The following ASH1L variants were observed in gnomAD, a reference collection of about 807,000 sequenced individuals.
The protein encoded by ASH1L is ASH1 like histone lysine methyltransferase.
A neutral mutation model predicts 269.0 loss-of-function variants in ASH1L; 23 were observed. That is an observed-to-expected ratio of 0.09 (90% CI 0.06 to 0.12). The LOEUF (loss-of-function observed/expected upper bound fraction) is 0.12, where lower values mean the gene tolerates loss of function less well. Among genes scored for constraint, ASH1L ranks in the 10% least tolerant of loss-of-function variants. The pLI, the probability that ASH1L is intolerant of heterozygous loss-of-function variation, is 1.00. For missense variants in ASH1L, 2,912 were observed against 3,567.8 expected, an observed-to-expected ratio of 0.82 and a Z score of 4.68; for synonymous variants, 1,187 against 1,253.5, an observed-to-expected ratio of 0.95 and a Z score of 1.12.
intron 1 of ASH1L, among the ~76,000 whole-genome samples, chr1:155,522,433 T>C (rs540406475): frequency 4.6e-5 from 7 of 152,314 alleles, no homozygotes; most frequent in Middle Eastern, 3.4e-3. Flanking sequence ...TAAGCAAATA[T>C]TTATACAAAT....
chr1:155,376,058 G>T (rs1486009053), intron 10 of ASH1L, among the ~76,000 whole-genome samples: 1 of 149,492 alleles, frequency 6.7e-6, no homozygotes, highest in Non-Finnish European at 1.5e-5. Context: ...GAGCTGTGAT[G>T]GCGACACTGC....
chr1:155,544,523 G>A (rs1670660784), intron 1 of ASH1L, among the ~76,000 whole-genome samples: 1 of 151,778 alleles, frequency 6.6e-6, no homozygotes, highest in African/African-American at 2.4e-5. Context: ...TCCTGCCCTC[G>A]TGATCTGCCC....
intron 5 of ASH1L, chr1:155,433,125 T>C (rs754357313): frequency 2.8e-6 from 4 of 1,406,032 alleles, no homozygotes; most frequent in Non-Finnish European, 2.9e-6. Flanking sequence ...TAGAAAGGAA[T>C]ATAAAAATAT....
chr1:155,431,143 G>A (rs1366616571), intron 5 of ASH1L, among the ~76,000 whole-genome samples: 1 of 151,962 alleles, frequency 6.6e-6, no homozygotes, highest in African/African-American at 2.4e-5. Context: ...CCCAAGAGGT[G>A]GAGGTTGCAG....
At chr1:155,508,243 A>G (rs1455844879) in intron 2 of ASH1L, among the ~76,000 whole-genome samples, 1 of 152,238 alleles carries the variant, frequency 6.6e-6, no homozygotes, top group Admixed American at 6.5e-5. Flanking sequence ...CAGACACCAC[A>G]TGTAACTGCA....
chr1:155,482,319 T>C lies in ASH1L; in HGVS notation c.551A>G (p.Glu184Gly). Residue 184 changes from glutamate to glycine, a missense_variant, in exon 3 of 28, where the codon GAA becomes GGA. Physicochemically the swap from Glu to Gly is moderately conservative, Grantham distance 98. This residue lies in a region of ASH1L where 277 missense variants were observed against 367.7 expected (regional missense o/e 0.75). Transcript: ENST00000392403. ...CGTTGCATTAATATAATCTGCCATT[T>C]CTGAGTGTACTGGAGACAGCTTCTT... ...LSKKLSPVHS[E>G]MADYINATPS... 1 of 1,614,162 alleles carries C rather than the reference T, an allele frequency of 6.2e-7. No homozygotes were observed. Among genetic ancestry groups the C allele is most frequent in the Non-Finnish European group, 8.5e-7 (1 of 1,180,004 alleles).
At chr1:155,548,001 A>T (rs1670946456) in intron 1 of ASH1L, among the ~76,000 whole-genome samples, 1 of 152,086 alleles carries the variant, frequency 6.6e-6, no homozygotes, top group Admixed American at 6.5e-5. Flanking sequence ...AAGGAATGAG[A>T]TCATGTCCTT....
intron 1 of ASH1L, among the ~76,000 whole-genome samples, chr1:155,543,809 G>A (rs996493312): frequency 2.0e-5 from 3 of 151,862 alleles, no homozygotes; most frequent in Non-Finnish European, 2.9e-5. Flanking sequence ...ATATGCACCT[G>A]TAGTCCCAGC....
intron 7 of ASH1L, among the ~76,000 whole-genome samples, chr1:155,394,178 G>A (rs750742430): frequency 1.5e-4 from 23 of 152,088 alleles, no homozygotes; most frequent in South Asian, 1.0e-3. Flanking sequence ...AGCTTTTCAG[G>A]CAATGGGAAT....
chr1:155,402,816 A>T (rs935941127), intron 6 of ASH1L, among the ~76,000 whole-genome samples: 1 of 151,082 alleles, frequency 6.6e-6, no homozygotes, highest in African/African-American at 2.4e-5. Context: ...GGCCTCCCGA[A>T]GTACTGGGAT....
At chr1:155,435,352 C>T (rs1338025559) in intron 5 of ASH1L, among the ~76,000 whole-genome samples, 1 of 152,036 alleles carries the variant, frequency 6.6e-6, no homozygotes, top group Non-Finnish European at 1.5e-5. Flanking sequence ...AGTGTAATTA[C>T]ATAAATTATG....
Position 155,562,767 on chromosome 1 carries a change from C to A in ASH1L, c.-714G>T. 1.1e-6 allele frequency: 1 copy of A among 940,280 alleles called. No homozygotes were observed. Among genetic ancestry groups the A allele is most frequent in the Non-Finnish European group, 1.6e-6 (1 of 614,956 alleles). 58.2% of individuals were successfully genotyped at this position (940,280 alleles called of 1,614,324 possible). A position where few individuals can be genotyped will look rare whatever the true frequency, so the allele number is the denominator to read the frequency against. ...CTGTCAAGCCGGCGCCGGCGCAGGC[C>A]CTCACGCGTACCTTCAACGGCGCAA... On this transcript the variant is annotated 5_prime_UTR_variant, in exon 1 of 28. Coordinates refer to ENST00000392403, the MANE Select transcript of ASH1L (RefSeq NM_018489.3).
chr1:155,348,911 T>TACACACACAC (rs59676231), intron 19 of ASH1L, among the ~76,000 whole-genome samples: 3 of 140,432 alleles, frequency 2.1e-5, no homozygotes, highest in South Asian at 4.5e-4. Flanking sequence ...TATATATATA[T>TACACACACAC]ACACACACAC....
intron 14 of ASH1L, 45 bp from the exon 15 acceptor site, chr1:155,357,455 T>C (rs780188101): frequency 1.3e-6 from 2 of 1,593,284 alleles, no homozygotes; most frequent in Admixed American, 1.7e-5. Context: ...AAAATATCAG[T>C]CAGAAATAAT....
chr1:155,389,040 C>G (rs1359548180), intron 7 of ASH1L, among the ~76,000 whole-genome samples: 2 of 148,282 alleles, frequency 1.3e-5, no homozygotes, highest in Non-Finnish European at 3.0e-5. Flanking sequence ...GAGTCTTGCT[C>G]TGTCACGCAG....
chr1:155,535,896 G>C (rs1052272316), intron 1 of ASH1L, among the ~76,000 whole-genome samples: 1 of 151,896 alleles, frequency 6.6e-6, no homozygotes, highest in Non-Finnish European at 1.5e-5. Context: ...TACTCAGGAC[G>C]CTGAGGCAGG....
At chr1:155,426,628 T>C (rs1661180727) in intron 5 of ASH1L, among the ~76,000 whole-genome samples, 1 of 152,214 alleles carries the variant, frequency 6.6e-6, no homozygotes, top group Admixed American at 6.5e-5. Flanking sequence ...TATAATAGAT[T>C]TGTGTATATC....
At chr1:155,394,847 C>T (rs1046617930) in intron 7 of ASH1L, among the ~76,000 whole-genome samples, 4 of 152,162 alleles carry the variant, frequency 2.6e-5, no homozygotes, top group South Asian at 2.1e-4. Flanking sequence ...TATTTTTGAA[C>T]GTGGAAAATA....
intron 20 of ASH1L, among the ~76,000 whole-genome samples, chr1:155,346,739 G>A (rs1653369139): frequency 1.3e-5 from 2 of 152,164 alleles, no homozygotes; most frequent in Non-Finnish European, 2.9e-5. Flanking sequence ...AAAACAAATA[G>A]ACTACTGAAC....
Sources: gnomAD v4.1 joint callset for allele counts (sites outside exome capture counted in the v4.1 genomes callset) on GRCh38, gnomAD v4.1.1 for gene constraint, gnomAD v4.1.1 regional missense constraint, MANE v1.5 for transcripts, NCBI Gene and HGNC (gene_info 2026-07-23, HGNC 2026-07-21) for gene names.